The following MYH13 variants were observed in gnomAD, a reference collection of about 807,000 sequenced individuals.
MYH13 encodes the protein myosin-13.
Under a neutral mutation model 232.1 loss-of-function variants are expected in MYH13, and 177 were observed. The ratio of observed to expected loss-of-function variants is 0.76; its 90% CI spans 0.67 to 0.86. The LOEUF is 0.86. Ranked by LOEUF, MYH13 falls within the 40% of genes least tolerant of loss-of-function variation. MYH13 has a pLI of 0.00. For missense variants in MYH13, 2,246 were observed against 2,405.9 expected (o/e 0.93, Z 1.39); for synonymous variants, 884 against 923.5 (o/e 0.96, Z 0.78).
In MYH13 at chr17:10,330,640, C is replaced by T. The variant is rs529131372; in HGVS notation, c.2299-117G>A. On this transcript the variant is annotated intron_variant, in intron 20 of 40. Coordinates refer to ENST00000252172, the MANE Select transcript of MYH13 (RefSeq NM_003802.3). Reference sequence around the variant, plus strand: ...CTCAACTCTCAGAGCACGGCAGGGGCAGCAATTCTGTTTCCAGGACTTGCT... The same window carrying T: ...CTCAACTCTCAGAGCACGGCAGGGGTAGCAATTCTGTTTCCAGGACTTGCT... The T allele has an allele frequency of 9.0e-5, 125 of 1,382,124 alleles. 1 individual carries two copies. In the East Asian group the frequency reaches 3.0e-3, roughly 33 times the overall value. 85.6% of individuals were successfully genotyped at this position (1,382,124 alleles called of 1,614,324 possible). A position where few individuals can be genotyped will look rare whatever the true frequency, so the allele number is the denominator to read the frequency against.
At chr17:10,365,086 G>C (rs2071824027) in intron 2 of MYH13, among the ~76,000 whole-genome samples, 1 of 152,052 alleles carries the variant, frequency 6.6e-6, no homozygotes, top group East Asian at 1.9e-4. Context: ...TGTTGGCCAG[G>C]CTGGTCTTGA....
chr17:10,361,184 C>T (rs985503424), intron 5 of MYH13, among the ~76,000 whole-genome samples: 6 of 151,994 alleles, frequency 3.9e-5, no homozygotes, highest in Non-Finnish European at 4.4e-5. Context: ...ATTAAGTTTG[C>T]AGACATGGCA....
At position 10,313,285 on chromosome 17, in the gene MYH13, C is replaced by T. The variant is rs780782625; in HGVS notation, c.4054G>A (p.Glu1352Lys). 4.3e-5 allele frequency: 70 copies of T among 1,614,154 alleles called. No individual in the cohort carries two copies. Among genetic ancestry groups the T allele is most frequent in the Non-Finnish European group, 5.9e-5 (70 of 1,180,054 alleles). The change falls in exon 30 of 41, where the codon GAG (glutamate) becomes AAG (lysine). Residue 1352 changes from glutamate (E) to lysine (K), a missense_variant. By Grantham distance (56) the Glu-to-Lys change is moderately conservative. Coordinates refer to ENST00000252172, the MANE Select transcript of MYH13 (RefSeq NM_003802.3). The stretch of plus-strand genomic sequence containing the variant: ...TCGGCCTTGGCTTCCTGCTCCTCCT[C>T]ATACTGTTCCCGCAGCAGGTCACAG... ...HDCDLLREQY[E>K]EEQEAKAELQ...
intron 22 of MYH13, among the ~76,000 whole-genome samples, 177 bp from the exon 23 acceptor site, chr17:10,324,441 C>T (rs1907123880): frequency 6.6e-6 from 1 of 152,078 alleles, no homozygotes; most frequent in African/African-American, 2.4e-5. Context: ...TTAGATATCA[C>T]CCATAAACAC....
At position 10,318,926 on chromosome 17, in the gene MYH13, G is replaced by A. The variant is rs528087450; in HGVS notation, c.3602C>T (p.Ala1201Val). 2 of 1,614,138 alleles carry A rather than the reference G, an allele frequency of 1.2e-6. No homozygotes were observed. Among genetic ancestry groups the A allele is most frequent in the South Asian group, 2.2e-5 (2 of 91,080 alleles). ...ATAATLRKKQ[A>V]DSVAELGEQI... is the part of the protein sequence containing the mutation. ...CTCCCCAAGCTCGGCCACACTATCT[G>A]CTTGCTTCTTCCTCAGGGTGGCTGC... The change falls in exon 27 of 41, where the codon GCA (alanine) becomes GTA (valine). Residue 1201 changes from alanine (A) to valine (V), a missense_variant. By Grantham distance (64) the Ala-to-Val change is moderately conservative (BLOSUM62 0). Transcript: ENST00000252172.
At chr17:10,345,740 A>C in intron 13 of MYH13, 124 bp from the exon 14 acceptor site, 1 of 1,529,024 alleles carries the variant, frequency 6.5e-7, no homozygotes, top group Non-Finnish European at 8.9e-7. Context: ...CACACCTGTA[A>C]TCCCAGCACT....
intron 11 of MYH13, among the ~76,000 whole-genome samples, chr17:10,351,953 G>A (rs1284359588): frequency 6.6e-6 from 1 of 152,090 alleles, no homozygotes; most frequent in Admixed American, 6.5e-5. Flanking sequence ...TTCTTGGAGT[G>A]GCACCCCCTT....
intron 22 of MYH13, among the ~76,000 whole-genome samples, chr17:10,327,511 GTTAT>G (rs1233975881): frequency 3.3e-5 from 5 of 152,140 alleles, no homozygotes; most frequent in African/African-American, 4.8e-5. Context: ...TTTGAATTGG[GTTAT>G]TTAATTTTGA....
At chr17:10,328,204 C>T in intron 21 of MYH13, 83 bp from the exon 22 acceptor site, 3 of 1,504,792 alleles carry the variant, frequency 2.0e-6, no homozygotes. Context: ...CGGACCCCAT[C>T]CTCCGTCTTT....
In MYH13 at chr17:10,303,408, C is replaced by G. The variant is rs758559636; in HGVS notation, c.5557G>C (p.Glu1853Gln). 6.2e-7 allele frequency: 1 copy of G among 1,613,876 alleles called. No homozygotes were observed. Among genetic ancestry groups the G allele is most frequent in the East Asian group, 2.2e-5 (1 of 44,876 alleles). ...GGGACCCCTACCTGGTAAGTCATCTCCTTGACTTTGCGTTCGTACTTGTGG... is the reference window on the plus strand; with the variant it reads ...GGGACCCCTACCTGGTAAGTCATCTGCTTGACTTTGCGTTCGTACTTGTGG... The part of the protein sequence containing the change: ...GAHKYERKVK[E>Q]MTYQAEEDHK... Residue 1853 changes from glutamate to glutamine, a missense_variant, in exon 38 of 41, where the codon GAG (glutamate) becomes CAG (glutamine). Glu to Gln is a conservative substitution (Grantham distance 29, BLOSUM62 2). Coordinates refer to ENST00000252172, the MANE Select transcript of MYH13 (RefSeq NM_003802.3).
chr17:10,320,950 T>C (rs1390709032), intron 24 of MYH13, among the ~76,000 whole-genome samples: 1 of 152,124 alleles, frequency 6.6e-6, no homozygotes, highest in African/African-American at 2.4e-5. Context: ...CACACATGCA[T>C]ACATAGGAAC....
chr17:10,360,137 A>G (rs1221626357), intron 6 of MYH13, 24 bp downstream of exon 6: 2 of 1,614,138 alleles, frequency 1.2e-6, no homozygotes, highest in South Asian at 1.1e-5. Flanking sequence ...CCAAGTCATG[A>G]TGGTACAAAG....
chr17:10,326,685 G>A, intron 22 of MYH13, among the ~76,000 whole-genome samples: 1 of 151,316 alleles, frequency 6.6e-6, no homozygotes, highest in East Asian at 2.0e-4. Context: ...CACCATGTTA[G>A]CCAAGATGGC....
Position 10,313,358 on chromosome 17 carries a change from G to A in MYH13, c.3985-4C>T, listed in dbSNP as rs907824729. 1 of 1,614,192 alleles carries A rather than the reference G, an allele frequency of 6.2e-7. No homozygotes were observed. The highest frequency in any genetic ancestry group is 1.1e-5 in the South Asian group (1 of 91,082). On this transcript the variant is annotated splice_region_variant and splice_polypyrimidine_tract_variant and intron_variant, in intron 29 of 40. Transcript: ENST00000252172. ...CGTGCGCCATGGCGTTCTTGGCCTG[G>A]GAATGACAGCGGTGACAAATTGCAA... is the stretch of plus-strand genomic sequence containing the variant.
At chr17:10,323,387 G>T (rs1459161546) in intron 23 of MYH13, among the ~76,000 whole-genome samples, 1 of 152,092 alleles carries the variant, frequency 6.6e-6, no homozygotes, top group African/African-American at 2.4e-5. Flanking sequence ...TGTGCTTGGT[G>T]CTATGGGAAC....
At chr17:10,328,336 G>A (rs999615147) in intron 21 of MYH13, among the ~76,000 whole-genome samples, 2 of 152,146 alleles carry the variant, frequency 1.3e-5, no homozygotes, top group Non-Finnish European at 2.9e-5. Flanking sequence ...AGGAGAGGGC[G>A]TGGAGCTACC....
intron 30 of MYH13, among the ~76,000 whole-genome samples, 152 bp downstream of exon 30, chr17:10,313,006 A>C (rs1315091279): frequency 6.6e-6 from 1 of 152,102 alleles, no homozygotes; most frequent in African/African-American, 2.4e-5. Context: ...GAAGAAGGAC[A>C]GGGAGACCCC....
chr17:10,329,636 C>T (rs1050776178), intron 21 of MYH13, among the ~76,000 whole-genome samples: 4 of 152,168 alleles, frequency 2.6e-5, no homozygotes, highest in African/African-American at 4.8e-5. Context: ...ACCTGCTTGT[C>T]GGGCTTCCTC....
At chr17:10,302,325 C>T (rs1349849040) in intron 39 of MYH13, among the ~76,000 whole-genome samples, 1 of 152,150 alleles carries the variant, frequency 6.6e-6, no homozygotes, top group East Asian at 1.9e-4. Context: ...TTGTCCAGGG[C>T]AGACTCCCCT....
Sources: gnomAD v4.1 joint callset for allele counts (sites outside exome capture counted in the v4.1 genomes callset) on GRCh38, gnomAD v4.1.1 for gene constraint, MANE v1.5 for transcripts, NCBI Gene and HGNC (gene_info 2026-07-23, HGNC 2026-07-21) for gene names.